EVPL: variants seen among roughly 807,000 people sequenced by gnomAD.
EVPL encodes the protein envoplakin.
EVPL carries 94 observed loss-of-function variants against 129.7 expected under a neutral mutation model. The ratio of observed to expected loss-of-function variants is 0.72; its 90% CI spans 0.61 to 0.86. EVPL has a LOEUF of 0.86. EVPL is among the 40% of genes least tolerant of loss of function. The pLI is 0.00. For synonymous variants in EVPL, 1,172 were observed against 1,191.1 expected (o/e 0.98, Z 0.33); for missense variants, 2,625 against 2,721.1 (o/e 0.96, Z 0.79).
At position 76,007,586 on chromosome 17, in the gene EVPL, G is replaced by A. The variant is rs763557874; in HGVS notation, c.5619C>T (p.Ser1873=). 7.4e-6 allele frequency: 12 copies of A among 1,613,876 alleles called. No individual in the cohort carries two copies. The Admixed American group carries it at 1.8e-4, about 25-fold the overall frequency. The change falls in exon 22 of 22, where the codon AGC becomes AGT. Residue 1873 remains serine (S), a synonymous_variant. Transcript: ENST00000301607. The surrounding 1 kb of genome is among the most constrained non-coding windows in gnomAD (Gnocchi z 8.8). The part of the protein sequence containing the change: ...AATGGIVDLL[S]RERYSVHKAM... ...CCTTGTGCACAGAGTAGCGCTCACG[G>A]CTGAGCAGGTCCACGATGCCCCCTG...
rs2066487429 is a variant in EVPL, at chr17:76,024,750, G to T, written c.99-630C>A. Among the ~76,000 whole-genome samples, 1 of 152,172 alleles carries T rather than the reference G, an allele frequency of 6.6e-6. No individual in the cohort carries two copies. Among genetic ancestry groups the T allele is most frequent in the Non-Finnish European group, 1.5e-5 (1 of 68,018 alleles). On this transcript the variant is annotated intron_variant, in intron 1 of 21. Transcript: ENST00000301607. This position sits in a 1 kb window ranked among gnomAD's most constrained non-coding sequence, Gnocchi z 4.5. ...GTTGAGGGTTCAAAGCCCAGATTGGGCTCTGACTTGCTCTGAGTCACATGG... is the reference window on the plus strand; with the variant it reads ...GTTGAGGGTTCAAAGCCCAGATTGGTCTCTGACTTGCTCTGAGTCACATGG...
rs143722266 is a variant in EVPL, at chr17:76,019,402, C to A, written c.1137+126G>T. On this transcript the variant is annotated intron_variant, in intron 10 of 21. Transcript: ENST00000301607. ...CAGCCTCCTGCTAGAGTAAACCCCC[C>A]TGCCAGCACCCAGGCCAGGGCTTGG... is the stretch of plus-strand genomic sequence containing the variant. The A allele has an allele frequency of 2.6e-4, 327 of 1,272,570 alleles. No homozygotes were observed. The African/African-American group carries it at 4.7e-3, about 18-fold the overall frequency. 78.8% of individuals were successfully genotyped at this position (1,272,570 alleles called of 1,614,324 possible).
At position 76,027,240 on chromosome 17, in the gene EVPL, C is replaced by A; in HGVS notation, c.-42G>T. The A allele has an allele frequency of 6.8e-7, 1 of 1,460,962 alleles. No homozygotes were observed. The highest frequency in any genetic ancestry group is 9.5e-7 in the Non-Finnish European group (1 of 1,047,412). 90.5% of individuals were successfully genotyped at this position (1,460,962 alleles called of 1,614,324 possible). On this transcript the variant is annotated 5_prime_UTR_variant, in exon 1 of 22. Transcript: ENST00000301607. Reference sequence around the variant, plus strand: ...GCTGGCTCAGGCTGGGCTTGGCTGGCGAAAGACGGCAGGAGGGCAGGTGGG... The same window carrying A: ...GCTGGCTCAGGCTGGGCTTGGCTGGAGAAAGACGGCAGGAGGGCAGGTGGG...
chr17:76,007,680 T>C lies in EVPL; in HGVS notation c.5525A>G (p.Lys1842Arg), dbSNP rs759921691. 1.2e-6 allele frequency: 2 copies of C among 1,613,880 alleles called. No individual in the cohort carries two copies. Among genetic ancestry groups the C allele is most frequent in the Non-Finnish European group, 1.7e-6 (2 of 1,179,972 alleles). Reference protein sequence around the residue: ...DTTTDNKCSIKTAVAKNMLDP... With the variant: ...DTTTDNKCSIRTAVAKNMLDP... Reference sequence around the variant, plus strand: ...CAGCATGTTCTTGGCCACGGCCGTCTTGATGCTGCACTTGTTGTCTGTGGT... The same window carrying C: ...CAGCATGTTCTTGGCCACGGCCGTCCTGATGCTGCACTTGTTGTCTGTGGT... The change falls in exon 22 of 22, where the codon AAG (lysine) becomes AGG (arginine). Residue 1842 changes from lysine (K) to arginine (R), a missense_variant. Lys to Arg is a conservative substitution (Grantham distance 26). This residue lies in a region of EVPL where 1,453 missense variants were observed against 1,511.8 expected (regional missense o/e 0.96). Coordinates refer to ENST00000301607, the MANE Select transcript of EVPL (RefSeq NM_001988.4). The surrounding 1 kb of genome is among the most constrained non-coding windows in gnomAD (Gnocchi z 8.8).
At position 76,009,818 on chromosome 17, in the gene EVPL, C is replaced by T. The variant is rs138147066; in HGVS notation, c.3387G>A (p.Ser1129=). ...RIEDLERAIS[S]VEPKVIVKEV... ...CCTTCACGATGACCTTGGGCTCCAC[C>T]GAGCTGATAGCCCGCTCCAGGTCTT... is the stretch of plus-strand genomic sequence containing the variant. Residue 1129 remains serine (S), a synonymous_variant, in exon 22 of 22, where the codon TCG becomes TCA. Coordinates refer to ENST00000301607, the MANE Select transcript of EVPL (RefSeq NM_001988.4). The surrounding 1 kb of genome is among the most constrained non-coding windows in gnomAD (Gnocchi z 5.9). 3.4e-3 allele frequency: 5,562 copies of T among 1,613,974 alleles called. 20 individuals carry two copies. Among genetic ancestry groups the T allele is most frequent in the Non-Finnish European group, 4.5e-3 (5,253 of 1,180,012 alleles).
chr17:76,018,846 T>TGGGCAG (rs975740871), intron 11 of EVPL, 68 bp downstream of exon 11: 83 of 922,926 alleles, frequency 9.0e-5, no homozygotes, highest in Middle Eastern at 1.1e-3. Flanking sequence ...GGGATGGGCT[T>TGGGCAG]GGGCAGGGGC....
At position 76,024,418 on chromosome 17, in the gene EVPL, G is replaced by A. The variant is rs1488408547; in HGVS notation, c.99-298C>T. ...CCAGCTGTGCTGGCAGTGAGTTCCC[G>A]ACCCCACCTAGCTACCTGCCACTTC... is the stretch of plus-strand genomic sequence containing the variant. On this transcript the variant is annotated intron_variant, in intron 1 of 21. Transcript: ENST00000301607. The surrounding 1 kb of genome is among the most constrained non-coding windows in gnomAD (Gnocchi z 4.5). 2.6e-5 allele frequency among the ~76,000 whole-genome samples: 4 copies of A among 151,870 alleles called. No individual in the cohort carries two copies. The highest frequency in any genetic ancestry group is 2.1e-4 in the South Asian group (1 of 4,822).
chr17:76,008,453 G>T lies in EVPL; in HGVS notation c.4752C>A (p.Ala1584=). 6.3e-7 allele frequency: 1 copy of T among 1,593,678 alleles called. No homozygotes were observed. The change falls in exon 22 of 22, where the codon GCC becomes GCA. Residue 1584 remains alanine, a synonymous_variant. Transcript: ENST00000301607. This position sits in a 1 kb window ranked among gnomAD's most constrained non-coding sequence, Gnocchi z 7.4. ...WSREESELQR[A]RDQADQECGR... The stretch of plus-strand genomic sequence containing the variant: ...CACACTCCTGGTCGGCCTGGTCCCG[G>T]GCCCTCTGCAGCTCGGACTCCTCCC...
Position 76,021,446 on chromosome 17 carries a change from TGCCGC to T in EVPL, c.1011+17_1011+21del. ...CCGCCCCTGCCGCCCCTGCCGCCCC[TGCCGC>T]CTGCCCGAGGGCTCACCCGGCGGTA... On this transcript the variant is annotated intron_variant, in intron 9 of 21. Transcript: ENST00000301607. 7.0e-7 allele frequency: 1 copy of T among 1,434,276 alleles called. No homozygotes were observed. Among genetic ancestry groups the T allele is most frequent in the Non-Finnish European group, 9.3e-7 (1 of 1,071,736 alleles). 88.8% of individuals were successfully genotyped at this position (1,434,276 alleles called of 1,614,324 possible).
rs752926039 is a variant in EVPL at position 76,021,712 on chromosome 17, T to C, written c.877A>G (p.Met293Val). 3 of 1,605,210 alleles carry C rather than the reference T, an allele frequency of 1.9e-6. No homozygotes were observed. The highest frequency in any genetic ancestry group is 1.1e-5 in the South Asian group (1 of 90,772). ...ACCGCGGGGTGCCGCAGCTCCACCA[T>C]GCGCTCGCCGTCGTCCTCCAGCTGG... is the stretch of plus-strand genomic sequence containing the variant. The part of the protein sequence containing the change: ...VNQLEDDGER[M>V]VELRHPAVGP... The change falls in exon 8 of 22, where the codon ATG becomes GTG. Residue 293 changes from methionine to valine, a missense_variant. Coordinates refer to ENST00000301607, the MANE Select transcript of EVPL (RefSeq NM_001988.4).
In EVPL at chr17:76,009,743, C is replaced by G. The variant is rs878892963; in HGVS notation, c.3462G>C (p.Arg1154Ser). The change falls in exon 22 of 22, where the codon AGG (arginine) becomes AGC (serine). Residue 1154 changes from arginine (R) to serine (S), a missense_variant. Coordinates refer to ENST00000301607, the MANE Select transcript of EVPL (RefSeq NM_001988.4). This position sits in a 1 kb window ranked among gnomAD's most constrained non-coding sequence, Gnocchi z 5.9. ...QDPGLLQESS[R>S]LRSLLEEERT... ...TCTCCTCCTCGAGGAGGCTCCTCAG[C>G]CTGGAGGACTCCTGGAGGAGCCCTG... 1.2e-5 allele frequency: 19 copies of G among 1,613,692 alleles called. No homozygotes were observed. Among genetic ancestry groups the G allele is most frequent in the Non-Finnish European group, 1.5e-5 (18 of 1,180,034 alleles).
In EVPL at chr17:76,008,690, C is replaced by T; in HGVS notation, c.4515G>A (p.Gln1505=). The change falls in exon 22 of 22, where the codon CAG becomes CAA. Residue 1505 remains glutamine, a synonymous_variant. Transcript: ENST00000301607. This position sits in a 1 kb window ranked among gnomAD's most constrained non-coding sequence, Gnocchi z 7.4. The part of the protein sequence containing the change: ...LNRECKNLQV[Q]IDVLQKAKSQ... ...ATTTGGCTTTCTGGAGGACGTCAAT[C>T]TGGACCTGCAGGTTCTTGCACTCCC... 3 of 1,613,396 alleles carry T rather than the reference C, an allele frequency of 1.9e-6. No individual in the cohort carries two copies. The highest frequency in any genetic ancestry group is 2.5e-6 in the Non-Finnish European group (3 of 1,180,038).
chr17:76,010,364 G>A lies in EVPL; in HGVS notation c.2841C>T (p.Thr947=). ...CCTCCAGCCTCTCCAAGGGCCGCTG[G>A]GTCCTCAGCTGCAGCAGTTGGCTCC... The part of the protein sequence containing the change: ...AQRSQLLQLR[T]QRPLERLEEK... The change falls in exon 22 of 22, where the codon ACC becomes ACT. Residue 947 remains threonine, a synonymous_variant. Coordinates refer to ENST00000301607, the MANE Select transcript of EVPL (RefSeq NM_001988.4). The A allele has an allele frequency of 6.2e-7, 1 of 1,613,964 alleles. No homozygotes were observed. Among genetic ancestry groups the A allele is most frequent in the Non-Finnish European group, 8.5e-7 (1 of 1,180,006 alleles).
chr17:76,022,335 A>T lies in EVPL; in HGVS notation c.606+78T>A. ...CCACCCACCCCTATCCCCAGGGCCC[A>T]GCCGATCTAGCTCCGGCTCTGACTG... On this transcript the variant is annotated intron_variant, in intron 5 of 21. Coordinates refer to ENST00000301607, the MANE Select transcript of EVPL (RefSeq NM_001988.4). This position sits in a 1 kb window ranked among gnomAD's most constrained non-coding sequence, Gnocchi z 5.6. 6.2e-7 allele frequency: 1 copy of T among 1,602,632 alleles called. No homozygotes were observed. The highest frequency in any genetic ancestry group is 8.5e-7 in the Non-Finnish European group (1 of 1,173,826).
rs1162438874 is a variant in EVPL at position 76,009,655 on chromosome 17, C to G, written c.3550G>C (p.Glu1184Gln). 7 of 1,613,812 alleles carry G rather than the reference C, an allele frequency of 4.3e-6. No homozygotes were observed. The South Asian group carries it at 7.7e-5, about 18-fold the overall frequency. The change falls in exon 22 of 22, where the codon GAG becomes CAG. Residue 1184 changes from glutamate (E) to glutamine (Q), a missense_variant. By Grantham distance (29) the Glu-to-Gln change is conservative. This residue lies in a region of EVPL where 1,453 missense variants were observed against 1,511.8 expected (regional missense o/e 0.96). Transcript: ENST00000301607. The surrounding 1 kb of genome is among the most constrained non-coding windows in gnomAD (Gnocchi z 5.9). Reference sequence around the variant, plus strand: ...AGCTGCACTTTGGGCCTCTGCTTCTCCACCACGCTGTACTTGCTGTGCAGG... The same window carrying G: ...AGCTGCACTTTGGGCCTCTGCTTCTGCACCACGCTGTACTTGCTGTGCAGG... ...SDLHSKYSVV[E>Q]KQRPKVQLQE...
rs1158788913 is a variant in EVPL, at chr17:76,022,006, T to TG, written c.667dup (p.Gln223ProfsTer22). ...GTGCGTGTACAGGCTGCCCAGGCTC[T>TG]GCCCGCGCCACGACGCCGCCTTCTG... On this transcript the variant is annotated frameshift_variant, in exon 7 of 22. Coordinates refer to ENST00000301607, the MANE Select transcript of EVPL (RefSeq NM_001988.4). LOFTEE classifies it high-confidence loss of function. This position sits in a 1 kb window ranked among gnomAD's most constrained non-coding sequence, Gnocchi z 5.6. 6.4e-7 allele frequency: 1 copy of TG among 1,560,786 alleles called. No homozygotes were observed. The highest frequency in any genetic ancestry group is 8.6e-7 in the Non-Finnish European group (1 of 1,160,804).
rs776038908 is a variant in EVPL at position 76,015,018 on chromosome 17, T to A, written c.2120A>T (p.Gln707Leu). The change falls in exon 17 of 22, where the codon CAG (glutamine) becomes CTG (leucine). Residue 707 changes from glutamine (Q) to leucine (L), a missense_variant. Gln to Leu is a moderately radical substitution (Grantham distance 113, BLOSUM62 -2). Around this residue, in one of 4 missense-constraint regions of EVPL, gnomAD observed 1,024 missense variants for 997.5 expected, o/e 1.03. Transcript: ENST00000301607. ...TTGGCAGAACTCCTGGAAGTTGTTC[T>A]GCAGGGCAGCGCATGCGTGCTCCGA... ...KASEHACAAL[Q>L]NNFQEFCQDL... is the part of the protein sequence containing the mutation. The A allele has an allele frequency of 3.8e-6, 6 of 1,595,632 alleles. 1 individual carries two copies. The Admixed American group carries it at 1.0e-4, about 27-fold the overall frequency.
chr17:76,010,583 A>G (rs903472305), intron 21 of EVPL, 40 bp from the exon 22 acceptor site: 2 of 1,556,252 alleles, frequency 1.3e-6, no homozygotes, highest in African/African-American at 2.8e-5. Context: ...GGTGGGCGGT[A>G]GAGATAGGAG....
rs1411223393 is a variant in EVPL, at chr17:76,009,443, G to A, written c.3762C>T (p.Thr1254=). 1 of 1,614,034 alleles carries A rather than the reference G, an allele frequency of 6.2e-7. No individual in the cohort carries two copies. Among genetic ancestry groups the A allele is most frequent in the East Asian group, 2.2e-5 (1 of 44,870 alleles). The part of the protein sequence containing the change: ...QKPTVEYKEV[T]QEVVRHERSP... ...TCCTCTCATGCCTCACCACCTCCTG[G>A]GTCACCTCCTTGTACTCCACCGTGG... The change falls in exon 22 of 22, where the codon ACC becomes ACT. Residue 1254 remains threonine (T), a synonymous_variant. Coordinates refer to ENST00000301607, the MANE Select transcript of EVPL (RefSeq NM_001988.4). This position sits in a 1 kb window ranked among gnomAD's most constrained non-coding sequence, Gnocchi z 5.9.
Sources: allele counts gnomAD v4.1 joint callset (sites outside exome capture counted in the v4.1 genomes callset), GRCh38; gene constraint gnomAD v4.1.1; regional missense constraint gnomAD v4.1.1; non-coding constraint Gnocchi (gnomAD v3.1); transcripts MANE v1.5; gene names NCBI Gene and HGNC (gene_info 2026-07-23, HGNC 2026-07-21).